Variants in SSUH2 observed in about 807,000 individuals in gnomAD.
SSUH2 encodes the protein ssu-2 homolog.
Under a neutral mutation model 55.3 loss-of-function variants are expected in SSUH2, and 47 were observed. That is an observed-to-expected ratio of 0.85 (90% CI 0.67 to 1.08). The LOEUF (loss-of-function observed/expected upper bound fraction) is 1.08. SSUH2 is among the 50% of genes least tolerant of loss of function. The pLI is 0.00. For missense variants in SSUH2, 535 were observed against 490.7 expected, an observed-to-expected ratio of 1.09 and a Z score of -0.85; for synonymous variants, 212 against 191.5, an observed-to-expected ratio of 1.11 and a Z score of -0.89.
intron 7 of SSUH2, 51 bp from the exon 8 acceptor site, chr3:8,627,834 C>A: frequency 1.3e-6 from 2 of 1,528,732 alleles, no homozygotes; most frequent in Non-Finnish European, 1.8e-6. Context: ...GGAAGCAGGG[C>A]CAACGGCATC....
At chr3:8,632,848 G>A (rs1699071928) in intron 4 of SSUH2, among the ~76,000 whole-genome samples, 1 of 152,206 alleles carries the variant, frequency 6.6e-6, no homozygotes, top group Non-Finnish European at 1.5e-5. Context: ...AGAGGGAGCT[G>A]AAGTCTAGTG....
intron 7 of SSUH2, among the ~76,000 whole-genome samples, chr3:8,658,195 T>C (rs942593026): frequency 6.6e-6 from 1 of 152,244 alleles, no homozygotes; most frequent in African/African-American, 2.4e-5. Flanking sequence ...ACGACATGTG[T>C]AAGCAGTTAG....
rs200206634 is a variant in SSUH2 at position 8,633,952 on chromosome 3, G to A, written c.210-157C>T. On this transcript the variant is annotated intron_variant, in intron 3 of 11. Transcript: ENST00000544814. ...TGGGGAGGGCATCTCCTGCAAAGGGGACCATGTGAACGGGTGCCCAGCGTG... is the reference window on the plus strand; with the variant it reads ...TGGGGAGGGCATCTCCTGCAAAGGGAACCATGTGAACGGGTGCCCAGCGTG... 197 of 1,613,576 alleles carry A rather than the reference G, an allele frequency of 1.2e-4. 1 individual carries two copies. In the African/African-American group the frequency reaches 2.3e-3, roughly 19 times the overall value.
chr3:8,644,596 C>G (rs1159569281), intron 1 of SSUH2, 135 bp downstream of exon 1: 1 of 811,094 alleles, frequency 1.2e-6, no homozygotes, highest in African/African-American at 1.7e-5. Context: ...TCACACAGTG[C>G]TAGCTACAGA....
At chr3:8,628,063 A>C (rs1697966059) in intron 7 of SSUH2, among the ~76,000 whole-genome samples, 2 of 152,000 alleles carry the variant, frequency 1.3e-5, no homozygotes, top group African/African-American at 2.4e-5. Flanking sequence ...ACCCCTACCA[A>C]GTGTTGAGAG....
intron 1 of SSUH2, among the ~76,000 whole-genome samples, chr3:8,638,445 T>C (rs144645909): frequency 1.2e-3 from 179 of 152,328 alleles, no homozygotes; most frequent in African/African-American, 4.2e-3. Context: ...AGTGCCTTTG[T>C]AAGCAAGAAA....
intron 1 of SSUH2, among the ~76,000 whole-genome samples, chr3:8,641,209 A>G (rs1353608336): frequency 6.6e-6 from 1 of 152,208 alleles, no homozygotes; most frequent in Non-Finnish European, 1.5e-5. Flanking sequence ...TTGTTTTGCC[A>G]AACGGCTTCT....
upstream of SSUH2, among the ~76,000 whole-genome samples, chr3:8,646,782 G>A (rs566241090): frequency 1.6e-4 from 25 of 152,318 alleles, no homozygotes; most frequent in African/African-American, 5.5e-4. Context: ...GGCTAGTACT[G>A]GTCCCTGCCT....
At chr3:8,676,235 C>A (rs61361966) in intron 3 of SSUH2, among the ~76,000 whole-genome samples, 1 of 151,814 alleles carries the variant, frequency 6.6e-6, no homozygotes, top group Non-Finnish European at 1.5e-5. Context: ...AGGGTGTACA[C>A]CCGTCTGTAC....
intron 2 of SSUH2, 50 bp from the exon 3 acceptor site, chr3:8,635,431 A>C: frequency 7.5e-7 from 1 of 1,325,404 alleles, no homozygotes; most frequent in Non-Finnish European, 1.0e-6. Flanking sequence ...AAAGGAACAA[A>C]TATTTGTGTG....
intron 2 of SSUH2, among the ~76,000 whole-genome samples, chr3:8,679,046 C>G (rs79892532): frequency 0.019 from 1,851 of 98,952 alleles, 445 homozygotes; most frequent in African/African-American, 0.058. Flanking sequence ...GGACACCAAA[C>G]GCAGGGGAGG....
At chr3:8,672,955 T>C (rs1036416955) in intron 3 of SSUH2, among the ~76,000 whole-genome samples, 38 of 152,198 alleles carry the variant, frequency 2.5e-4, no homozygotes, top group Middle Eastern at 3.4e-3. Flanking sequence ...TCTCTGGACA[T>C]TAGGAACAAT....
intron 1 of SSUH2, among the ~76,000 whole-genome samples, chr3:8,681,331 C>A (rs1362773453): frequency 6.7e-6 from 1 of 148,934 alleles, no homozygotes; most frequent in East Asian, 2.0e-4. Flanking sequence ...GGTGGAGGCA[C>A]CCCCCGCGGC....
chr3:8,630,769 G>A, intron 6 of SSUH2, 36 bp downstream of exon 6: 1 of 1,343,282 alleles, frequency 7.4e-7, no homozygotes, highest in Non-Finnish European at 9.6e-7. Context: ...TCAGGGAGAA[G>A]GGCAAGTATT....
rs868080953 is a variant in SSUH2, at chr3:8,635,617, C to A, written c.127+142G>T. The stretch of plus-strand genomic sequence containing the variant: ...CCTATGCCCCATTGCTTCCTCTTTC[C>A]ACCTGCCCAAGATGAGGGGCTTCCC... On this transcript the variant is annotated intron_variant, in intron 2 of 11. Coordinates refer to ENST00000544814, the MANE Select transcript of SSUH2 (RefSeq NM_001256748.3). 2.1e-5 allele frequency: 18 copies of A among 843,638 alleles called. No individual in the cohort carries two copies. In the African/African-American group the frequency reaches 3.1e-4, roughly 14 times the overall value. The allele number at this position is 843,638 out of a possible 1,614,324, so 52.3% of individuals were successfully genotyped here.
intron 4 of SSUH2, among the ~76,000 whole-genome samples, chr3:8,671,362 CA>C (rs1704544804): frequency 6.6e-6 from 1 of 151,866 alleles, no homozygotes; most frequent in South Asian, 2.1e-4. Context: ...ACGATAATAT[CA>C]CAGAGTGTAC....
intron 6 of SSUH2, among the ~76,000 whole-genome samples, chr3:8,661,653 C>T (rs1703502729): frequency 6.6e-6 from 1 of 152,214 alleles, no homozygotes; most frequent in Non-Finnish European, 1.5e-5. Flanking sequence ...GGTTTTTGCA[C>T]CAGTGCCCTC....
At chr3:8,675,972 G>C (rs1705209828) in intron 3 of SSUH2, among the ~76,000 whole-genome samples, 1 of 152,100 alleles carries the variant, frequency 6.6e-6, no homozygotes, top group African/African-American at 2.4e-5. Flanking sequence ...GTTTCTAAAG[G>C]ATGGCCCCCC....
At chr3:8,670,150 C>G (rs2125403484) in intron 5 of SSUH2, among the ~76,000 whole-genome samples, 1 of 152,138 alleles carries the variant, frequency 6.6e-6, no homozygotes, top group African/African-American at 2.4e-5. Flanking sequence ...CTTGGCAGCT[C>G]GTTTATGACC....
Sources: gnomAD v4.1 joint callset for allele counts (sites outside exome capture counted in the v4.1 genomes callset) on GRCh38, gnomAD v4.1.1 for gene constraint, MANE v1.5 for transcripts, NCBI Gene and HGNC (gene_info 2026-07-23, HGNC 2026-07-21) for gene names.